ARMH3: variants seen among roughly 807,000 people sequenced by gnomAD.
ARMH3 encodes armadillo-like helical domain-containing protein 3.
A neutral mutation model predicts 99.1 loss-of-function variants in ARMH3; 60 were observed. The ratio of observed to expected loss-of-function variants is 0.61; its 90% confidence interval spans 0.49 to 0.75. ARMH3 has a LOEUF of 0.75. Among genes scored for constraint, ARMH3 ranks in the 30% least tolerant of loss-of-function variants. ARMH3 has a pLI of 0.00. For synonymous variants in ARMH3, 285 were observed against 292.8 expected (o/e 0.97, Z 0.27); for missense variants, 679 against 843.1 (o/e 0.81, Z 2.41).
At chr10:101,922,447 T>C (rs1055390275) in intron 23 of ARMH3, among the ~76,000 whole-genome samples, 4 of 152,172 alleles carry the variant, frequency 2.6e-5, no homozygotes, top group Non-Finnish European at 5.9e-5. Flanking sequence ...AAACAAGGTC[T>C]TGCTATGTTG....
At chr10:101,949,396 A>G (rs1175164285) in intron 22 of ARMH3, among the ~76,000 whole-genome samples, 1 of 152,074 alleles carries the variant, frequency 6.6e-6, no homozygotes, top group African/African-American at 2.4e-5. Context: ...TAGGGAATGA[A>G]AGAGGGAAGC....
At chr10:102,041,296 C>T (rs983611812) in intron 1 of ARMH3, among the ~76,000 whole-genome samples, 1 of 151,542 alleles carries the variant, frequency 6.6e-6, no homozygotes, top group African/African-American at 2.4e-5. Context: ...CCTTCACCTC[C>T]CAGGTTCTTT....
intron 24 of ARMH3, among the ~76,000 whole-genome samples, chr10:101,868,732 A>G (rs892111112): frequency 3.9e-5 from 6 of 152,194 alleles, no homozygotes; most frequent in Admixed American, 3.9e-4. Context: ...AGTACAGTAT[A>G]TAATACATAT....
At chr10:101,898,443 G>A (rs1308336897) in intron 23 of ARMH3, among the ~76,000 whole-genome samples, 2 of 152,034 alleles carry the variant, frequency 1.3e-5, no homozygotes, top group Non-Finnish European at 2.9e-5. Context: ...CCTCCAAAAT[G>A]CAATCTCCCA....
At chr10:101,932,601 A>G (rs1418082810) in intron 23 of ARMH3, among the ~76,000 whole-genome samples, 2 of 152,270 alleles carry the variant, frequency 1.3e-5, no homozygotes, top group Non-Finnish European at 2.9e-5. Flanking sequence ...AAATTCTGCT[A>G]CATGCTACAA....
intron 8 of ARMH3, among the ~76,000 whole-genome samples, chr10:102,014,911 A>G (rs2066712332): frequency 6.6e-6 from 1 of 152,168 alleles, no homozygotes; most frequent in African/African-American, 2.4e-5. Flanking sequence ...GCAAGGAACA[A>G]TAGTTCTCAG....
intron 2 of ARMH3, among the ~76,000 whole-genome samples, chr10:102,033,799 G>GT (rs942573238): frequency 2.6e-5 from 4 of 151,836 alleles, no homozygotes; most frequent in African/African-American, 9.7e-5. Flanking sequence ...ATCTCTTTGT[G>GT]TTTTTTTTCC....
intron 8 of ARMH3, among the ~76,000 whole-genome samples, chr10:102,018,827 C>T (rs1471307112): frequency 6.6e-6 from 1 of 152,024 alleles, no homozygotes; most frequent in Non-Finnish European, 1.5e-5. Context: ...CATGGTGGCG[C>T]ATGCCTGTAG....
intron 1 of ARMH3, among the ~76,000 whole-genome samples, chr10:102,052,048 C>G (rs1272682403): frequency 1.3e-5 from 2 of 152,128 alleles, no homozygotes; most frequent in African/African-American, 2.4e-5. Context: ...TCTCAATGAG[C>G]AGGAGATTCC....
rs377517671 is a variant in ARMH3, at chr10:102,029,736, C to T, written c.316G>A (p.Ala106Thr). 2.9e-5 allele frequency: 47 copies of T among 1,611,838 alleles called. No individual in the cohort carries two copies. Among genetic ancestry groups the T allele is most frequent in the East Asian group, 6.7e-5 (3 of 44,844 alleles). ...TTTTGATGGACTCCTCGAATGAGTG[C>T]GCACAGGGTCTGCAGAAATGAGAGA... ...RVVNALQTLC[A>T]LIRGVHQKNK... is the part of the protein sequence containing the mutation. The change falls in exon 5 of 26, where the codon GCA (alanine) becomes ACA (threonine). Residue 106 changes from alanine to threonine, a missense_variant. Physicochemically the swap from Ala to Thr is moderately conservative, Grantham distance 58 (BLOSUM62 0). Around this residue, in one of 3 missense-constraint regions of ARMH3, gnomAD observed 280 missense variants for 354.6 expected, o/e 0.79. Transcript: ENST00000370033.
intron 24 of ARMH3, among the ~76,000 whole-genome samples, chr10:101,884,024 A>T (rs2067481668): frequency 1.3e-5 from 2 of 151,680 alleles, no homozygotes; most frequent in South Asian, 4.2e-4. Flanking sequence ...CCGCCAAGCA[A>T]ACAAAAAGAA....
intron 2 of ARMH3, among the ~76,000 whole-genome samples, chr10:102,033,947 T>C (rs1219329459): frequency 1.3e-5 from 2 of 152,224 alleles, no homozygotes; most frequent in African/African-American, 4.8e-5. Flanking sequence ...CATCACAACA[T>C]GCCTCCCGTG....
intron 17 of ARMH3, among the ~76,000 whole-genome samples, chr10:101,993,221 A>G (rs1452260335): frequency 6.6e-6 from 1 of 151,538 alleles, no homozygotes; most frequent in Non-Finnish European, 1.5e-5. Context: ...CAGTGAGCAG[A>G]GATCACACCA....
intron 24 of ARMH3, among the ~76,000 whole-genome samples, chr10:101,851,479 T>C (rs879563618): frequency 2.6e-5 from 4 of 151,646 alleles, no homozygotes; most frequent in Non-Finnish European, 2.9e-5. Flanking sequence ...AATTAGTGAG[T>C]GACAAGGAAC....
chr10:102,036,021 C>A (rs991490945), intron 2 of ARMH3, among the ~76,000 whole-genome samples: 1 of 151,824 alleles, frequency 6.6e-6, no homozygotes, highest in Non-Finnish European at 1.5e-5. Context: ...CGGCCGCGAC[C>A]CCGACTGGGA....
At chr10:102,033,714 G>A (rs75249574) in intron 2 of ARMH3, among the ~76,000 whole-genome samples, 28 of 152,218 alleles carry the variant, frequency 1.8e-4, no homozygotes, top group African/African-American at 5.5e-4. Context: ...CACCGCACCC[G>A]GCCCCTTAGT....
intron 6 of ARMH3, 39 bp downstream of exon 6, chr10:102,025,116 TC>T: frequency 1.3e-6 from 2 of 1,513,488 alleles, no homozygotes; most frequent in Non-Finnish European, 1.8e-6. Context: ...GGATTGCCCC[TC>T]CTGTCAATTA....
chr10:101,893,900 A>G (rs1462100949), intron 23 of ARMH3, among the ~76,000 whole-genome samples: 3 of 152,164 alleles, frequency 2.0e-5, no homozygotes, highest in Non-Finnish European at 4.4e-5. Flanking sequence ...ACATGCTGAT[A>G]TTGTTTGGGC....
intron 23 of ARMH3, among the ~76,000 whole-genome samples, chr10:101,919,486 G>A (rs1843219679): frequency 6.6e-6 from 1 of 152,112 alleles, no homozygotes; most frequent in Admixed American, 6.6e-5. Flanking sequence ...TCCCTTAATA[G>A]TCCCATCTCT....
Sources: allele counts gnomAD v4.1 joint callset (sites outside exome capture counted in the v4.1 genomes callset), GRCh38; gene constraint gnomAD v4.1.1; regional missense constraint gnomAD v4.1.1; transcripts MANE v1.5; gene names NCBI Gene and HGNC (gene_info 2026-07-23, HGNC 2026-07-21).